TRIT1: variants seen among roughly 807,000 people sequenced by gnomAD.
TRIT1 encodes the protein tRNA dimethylallyltransferase.
TRIT1 carries 43 observed loss-of-function variants against 51.2 expected under a neutral mutation model. The ratio of observed to expected loss-of-function variants is 0.84; its 90% CI spans 0.66 to 1.08. The LOEUF is 1.08. Among genes scored for constraint, TRIT1 ranks in the 50% least tolerant of loss-of-function variants. The pLI is 0.00. For synonymous variants in TRIT1, 184 were observed against 203.9 expected (o/e 0.90, Z 0.83); for missense variants, 528 against 578.4 (o/e 0.91, Z 0.89).
At chr1:39,866,021 A>C (rs1643527482) in intron 1 of TRIT1, among the ~76,000 whole-genome samples, 1 of 140,334 alleles carries the variant, frequency 7.1e-6, no homozygotes, top group South Asian at 2.3e-4. Context: ...GGAAAAGAAA[A>C]GAAAGAAAAG....
chr1:39,865,218 G>T (rs1643469230), intron 1 of TRIT1, among the ~76,000 whole-genome samples: 1 of 152,192 alleles, frequency 6.6e-6, no homozygotes, highest in African/African-American at 2.4e-5. Flanking sequence ...GGGGCTTCAA[G>T]GGCACCATTC....
rs1250754198 is a variant in TRIT1 at position 39,852,744 on chromosome 1, G to A, written c.547C>T (p.Arg183Cys). ...MAAKLHPHDK[R>C]KVARSLQVFE... ...AGGCTTTCTTACCTGGCCACTTTGC[G>A]TTTGTCATGTGGATGCAGCTTGGCA... Residue 183 changes from arginine to cysteine, a missense_variant, in exon 4 of 11, where the codon CGC (arginine) becomes TGC (cysteine). This residue lies in a region of TRIT1 where 468 missense variants were observed against 522.6 expected (regional missense o/e 0.90). Coordinates refer to ENST00000316891, the MANE Select transcript of TRIT1 (RefSeq NM_017646.6). The A allele has an allele frequency of 2.5e-6, 4 of 1,613,830 alleles. No homozygotes were observed. The highest frequency in any genetic ancestry group is 3.3e-5 in the Admixed American group (2 of 59,944).
At chr1:39,871,589 A>T (rs1401554512) in intron 1 of TRIT1, among the ~76,000 whole-genome samples, 1 of 152,224 alleles carries the variant, frequency 6.6e-6, no homozygotes, top group Non-Finnish European at 1.5e-5. Context: ...CCAATCAATC[A>T]ATCAATCTAC....
chr1:39,851,722 C>T (rs564362213), intron 4 of TRIT1, among the ~76,000 whole-genome samples: 60 of 151,812 alleles, frequency 4.0e-4, no homozygotes, highest in Non-Finnish European at 6.3e-4. Flanking sequence ...GCAGGAGGAT[C>T]GCTTGAGCCT....
At chr1:39,870,132 T>A (rs1643807328) in intron 1 of TRIT1, among the ~76,000 whole-genome samples, 1 of 152,144 alleles carries the variant, frequency 6.6e-6, no homozygotes, top group Non-Finnish European at 1.5e-5. Flanking sequence ...TAGAAAGAAG[T>A]AGACATGGGA....
At chr1:39,861,888 C>G (rs535937427) in intron 1 of TRIT1, among the ~76,000 whole-genome samples, 1 of 148,654 alleles carries the variant, frequency 6.7e-6, no homozygotes, top group Non-Finnish European at 1.5e-5. Context: ...CGCACCACTG[C>G]GCTCCAGCCT....
At chr1:39,880,874 CTA>C (rs1644240308) in intron 1 of TRIT1, among the ~76,000 whole-genome samples, 1 of 151,896 alleles carries the variant, frequency 6.6e-6, no homozygotes, top group African/African-American at 2.4e-5. Flanking sequence ...ATAATAGCTA[CTA>C]TAGAGCTATA....
intron 1 of TRIT1, among the ~76,000 whole-genome samples, chr1:39,868,516 C>T (rs1643673506): frequency 6.6e-6 from 1 of 151,980 alleles, no homozygotes; most frequent in African/African-American, 2.4e-5. Context: ...TGCTGGCAAG[C>T]ACCTATAATC....
intron 6 of TRIT1, 35 bp downstream of exon 6, chr1:39,847,951 T>C (rs1490014802): frequency 1.3e-6 from 2 of 1,576,444 alleles, no homozygotes; most frequent in Non-Finnish European, 1.7e-6. Flanking sequence ...CTGCAAAATA[T>C]GGACAGTAGG....
rs147631669 is a variant in TRIT1, at chr1:39,838,340, C to A, written c.*3404G>T. Among the ~76,000 whole-genome samples, 1 of 152,302 alleles carries A rather than the reference C, an allele frequency of 6.6e-6. No individual in the cohort carries two copies. Among genetic ancestry groups the A allele is most frequent in the African/African-American group, 2.4e-5 (1 of 41,570 alleles). On this transcript the variant is annotated 3_prime_UTR_variant, in exon 11 of 11. Coordinates refer to ENST00000316891, the MANE Select transcript of TRIT1 (RefSeq NM_017646.6). ...AGCAGATCACTTATGTAGAGACCTA[C>A]TTAGTTTTTATGCTTTCATGCAATT...
chr1:39,862,062 T>C lies in TRIT1; in HGVS notation c.175-4645A>G, dbSNP rs184881053. On this transcript the variant is annotated intron_variant, in intron 1 of 10. Transcript: ENST00000316891. ...GACAAACACTGTACGATCTCATGTA[T>C]ATGAAGTACCTAGAGTAGTCAAATT... 4.1e-4 allele frequency among the ~76,000 whole-genome samples: 63 copies of C among 152,276 alleles called. No individual in the cohort carries two copies. The South Asian group carries it at 4.3e-3, about 11-fold the overall frequency.
intron 1 of TRIT1, among the ~76,000 whole-genome samples, chr1:39,879,809 T>C (rs1324116584): frequency 7.4e-5 from 10 of 134,724 alleles, no homozygotes; most frequent in Non-Finnish European, 1.4e-4. Flanking sequence ...GAAGTGGAGG[T>C]TGCAGTGAGC....
chr1:39,844,603 C>T lies in TRIT1; in HGVS notation c.1044G>A (p.Glu348=), dbSNP rs1322533087. The part of the protein sequence containing the change: ...GPIVPPVYGL[E]VSDVSKWEES... ...CTTCCCACTTCGAGACATCAGATAC[C>T]TCTAAGCCATAGACAGGGGGGACAA... The change falls in exon 9 of 11, where the codon GAG becomes GAA. Residue 348 remains glutamate (E), a synonymous_variant. Transcript: ENST00000316891. 1 of 1,613,948 alleles carries T rather than the reference C, an allele frequency of 6.2e-7. No individual in the cohort carries two copies. The highest frequency in any genetic ancestry group is 8.5e-7 in the Non-Finnish European group (1 of 1,179,906).
chr1:39,858,586 C>A (rs1047641429), intron 1 of TRIT1, among the ~76,000 whole-genome samples: 1 of 152,158 alleles, frequency 6.6e-6, no homozygotes, highest in Non-Finnish European at 1.5e-5. Flanking sequence ...ACTACTATCA[C>A]AATAACTAAA....
Position 39,839,222 on chromosome 1 carries a change from G to A in TRIT1, c.*2522C>T, listed in dbSNP as rs1032839478. 1.3e-5 allele frequency among the ~76,000 whole-genome samples: 2 copies of A among 152,162 alleles called. No individual in the cohort carries two copies. Among genetic ancestry groups the A allele is most frequent in the Non-Finnish European group, 2.9e-5 (2 of 68,040 alleles). ...GCTCTGCTTGCCTTGGGATTGCTAT[G>A]GCCAGATGGTACAAAATGGCATTCC... On this transcript the variant is annotated 3_prime_UTR_variant, in exon 11 of 11. Coordinates refer to ENST00000316891, the MANE Select transcript of TRIT1 (RefSeq NM_017646.6).
At chr1:39,859,472 T>C (rs1323961327) in intron 1 of TRIT1, among the ~76,000 whole-genome samples, 1 of 149,232 alleles carries the variant, frequency 6.7e-6, no homozygotes, top group East Asian at 2.0e-4. Context: ...GTAGTTCCGC[T>C]ACTGGGGAGG....
At chr1:39,863,020 G>A (rs1318303236) in intron 1 of TRIT1, 1 of 875,530 alleles carries the variant, frequency 1.1e-6, no homozygotes, top group African/African-American at 1.8e-5. Flanking sequence ...TGGCTTCTTT[G>A]TAAGGCCTGA....
rs1434898938 is a variant in TRIT1, at chr1:39,882,638, C to G, written c.174+680G>C. ...AAACCTCTACTTAAAAAAGCATTTACCACAAGTCTGGCCTTATTCCGGACA... is the reference window on the plus strand; with the variant it reads ...AAACCTCTACTTAAAAAAGCATTTAGCACAAGTCTGGCCTTATTCCGGACA... On this transcript the variant is annotated intron_variant, in intron 1 of 10. Transcript: ENST00000316891. Among the ~76,000 whole-genome samples the G allele has an allele frequency of 3.3e-5, 5 of 152,254 alleles. No individual in the cohort carries two copies. In the East Asian group the frequency reaches 9.6e-4, roughly 29 times the overall value.
intron 10 of TRIT1, among the ~76,000 whole-genome samples, chr1:39,842,422 T>C (rs761536426): frequency 2.6e-5 from 4 of 152,222 alleles, no homozygotes; most frequent in Non-Finnish European, 5.9e-5. Flanking sequence ...GCATTGCCTG[T>C]TGTCCTTCCT....
Sources: gnomAD v4.1 joint callset for allele counts (sites outside exome capture counted in the v4.1 genomes callset) on GRCh38, gnomAD v4.1.1 for gene constraint, gnomAD v4.1.1 regional missense constraint, MANE v1.5 for transcripts, NCBI Gene and HGNC (gene_info 2026-07-23, HGNC 2026-07-21) for gene names.